CHD1: variants seen among roughly 807,000 people sequenced by gnomAD.
The protein encoded by CHD1 is ATP-dependent chromatin remodeler CHD1.
Under a neutral mutation model 224.2 loss-of-function variants are expected in CHD1, and 36 were observed. That is an observed-to-expected ratio of 0.16 (90% CI 0.12 to 0.21). CHD1 has a LOEUF of 0.21. Ranked by LOEUF, CHD1 falls within the 10% of genes least tolerant of loss-of-function variation. The probability of loss-of-function intolerance (pLI) is 1.00; values close to 1 mark genes in which losing one functional copy is unlikely to be tolerated. For synonymous variants in CHD1, 668 were observed against 658.3 expected (o/e 1.01, Z -0.23); for missense variants, 1,378 against 1,994.8 (o/e 0.69, Z 5.89).
chr5:98,912,377 G>A (rs1752479858), intron 2 of CHD1, among the ~76,000 whole-genome samples: 1 of 152,050 alleles, frequency 6.6e-6, no homozygotes, highest in African/African-American at 2.4e-5. Context: ...CATTAAAGAA[G>A]GCAAATGTCA....
intron 5 of CHD1, among the ~76,000 whole-genome samples, chr5:98,901,623 C>T (rs1166403788): frequency 6.6e-6 from 1 of 151,890 alleles, no homozygotes; most frequent in African/African-American, 2.4e-5. Context: ...AATTATTCTA[C>T]TTGCCCTCTC....
chr5:98,872,312 C>CA, intron 27 of CHD1, 105 bp downstream of exon 27: 1 of 1,292,626 alleles, frequency 7.7e-7, no homozygotes, highest in Non-Finnish European at 1.1e-6. Flanking sequence ...TTATTTCTTC[C>CA]TTTTTTTTTT....
chr5:98,916,531 G>A (rs1752745109), intron 2 of CHD1, among the ~76,000 whole-genome samples: 1 of 108,380 alleles, frequency 9.2e-6, no homozygotes, highest in African/African-American at 3.6e-5. Context: ...GGCAACAAGA[G>A]TGAAACTCCG....
intron 28 of CHD1, among the ~76,000 whole-genome samples, chr5:98,871,606 T>C (rs1028981630): frequency 1.3e-5 from 2 of 151,992 alleles, no homozygotes; most frequent in South Asian, 2.1e-4. Flanking sequence ...CAATAATCTA[T>C]ACATTATAAA....
At chr5:98,909,540 T>G (rs926133300) in intron 2 of CHD1, among the ~76,000 whole-genome samples, 1 of 152,170 alleles carries the variant, frequency 6.6e-6, no homozygotes, top group Non-Finnish European at 1.5e-5. Flanking sequence ...GATGATGATA[T>G]GTCTTCCTCC....
Position 98,876,528 on chromosome 5 carries a change from T to C in CHD1, c.3268A>G (p.Ser1090Gly), listed in dbSNP as rs761620763. 6.2e-6 allele frequency: 10 copies of C among 1,613,960 alleles called. No homozygotes were observed. In the South Asian group the frequency reaches 1.1e-4, roughly 18 times the overall value. ...GATCCAGAGTATCTCCTACTTCTAC[T>C]GCGCCTCCCTTCACTTCCATTGAAA... ...ISFNGSEGRR[S>G]RSRRYSGSDS... The change falls in exon 24 of 36, where the codon AGT becomes GGT. Residue 1090 changes from serine (S) to glycine (G), a missense_variant. By Grantham distance (56) the Ser-to-Gly change is moderately conservative. This residue lies in a region of CHD1 where 286 missense variants were observed against 445.1 expected (regional missense o/e 0.64). Transcript: ENST00000614616.
chr5:98,872,562 T>A lies in CHD1; in HGVS notation c.3572-7A>T. The stretch of plus-strand genomic sequence containing the variant: ...ACTTTTCCGAGTCTACCACCTTGAT[T>A]TTTTTTAAAAAAACCAGTATTTTTA... On this transcript the variant is annotated splice_region_variant and splice_polypyrimidine_tract_variant and intron_variant, in intron 26 of 35. Coordinates refer to ENST00000614616, the MANE Select transcript of CHD1 (RefSeq NM_001270.4). The A allele has an allele frequency of 6.2e-7, 1 of 1,611,058 alleles. No individual in the cohort carries two copies. The highest frequency in any genetic ancestry group is 8.5e-7 in the Non-Finnish European group (1 of 1,178,958).
chr5:98,902,318 A>G (rs1175331995), intron 5 of CHD1, among the ~76,000 whole-genome samples: 1 of 152,106 alleles, frequency 6.6e-6, no homozygotes, highest in Non-Finnish European at 1.5e-5. Flanking sequence ...TTTTTTGGGA[A>G]AAATAAGTAA....
intron 3 of CHD1, 130 bp downstream of exon 3, chr5:98,904,767 C>A: frequency 1.2e-6 from 1 of 846,014 alleles, no homozygotes; most frequent in South Asian, 1.7e-5. Context: ...GTGAGAATCA[C>A]TAAAAGTAAA....
At chr5:98,906,126 G>T (rs1431672703) in intron 2 of CHD1, among the ~76,000 whole-genome samples, 2 of 152,116 alleles carry the variant, frequency 1.3e-5, no homozygotes, top group Non-Finnish European at 2.9e-5. Context: ...AGTAATTTCT[G>T]CATGAGAACA....
intron 17 of CHD1, chr5:98,885,939 T>A: frequency 3.4e-6 from 1 of 291,862 alleles, no homozygotes; most frequent in Non-Finnish European, 6.3e-6. Flanking sequence ...TGCAAACACC[T>A]GAAACAGTTT....
intron 2 of CHD1, among the ~76,000 whole-genome samples, chr5:98,911,146 A>T (rs429235): frequency 0.069 from 2,663 of 38,500 alleles, 87 homozygotes; most frequent in East Asian, 0.099. Context: ...AAAAAAAAAA[A>T]ATATATATAT....
rs1751663028 is a variant in CHD1, at chr5:98,900,970, G to A, written c.700C>T (p.Arg234Cys). The A allele has an allele frequency of 6.2e-7, 1 of 1,613,778 alleles. No homozygotes were observed. Among genetic ancestry groups the A allele is most frequent in the Non-Finnish European group, 8.5e-7 (1 of 1,179,928 alleles). The stretch of plus-strand genomic sequence containing the variant: ...TAGCTAACATTAACAGTTGCTTGGC[G>A]ACGAGAACTTCTTTTATCATTATCA... Reference protein sequence around the residue: ...DYDNDKRSSRRQATVNVSYKE... With the variant: ...DYDNDKRSSRCQATVNVSYKE... The change falls in exon 7 of 36, where the codon CGC (arginine) becomes TGC (cysteine). Residue 234 changes from arginine to cysteine, a missense_variant. Physicochemically the swap from Arg to Cys is radical, Grantham distance 180 (BLOSUM62 -3). Coordinates refer to ENST00000614616, the MANE Select transcript of CHD1 (RefSeq NM_001270.4).
At chr5:98,899,066 T>C (rs1751523247) in intron 8 of CHD1, among the ~76,000 whole-genome samples, 2 of 152,182 alleles carry the variant, frequency 1.3e-5, no homozygotes, top group Admixed American at 1.3e-4. Context: ...CTGCAGGGGA[T>C]TGGTTGAGGA....
chr5:98,875,169 C>T (rs759533638), intron 24 of CHD1, 56 bp from the exon 25 acceptor site: 87 of 951,626 alleles, frequency 9.1e-5, no homozygotes, highest in Non-Finnish European at 1.2e-4. Flanking sequence ...TAAAATTATA[C>T]GTATTTCTGA....
At chr5:98,861,493 T>C (rs1230319023) in intron 32 of CHD1, among the ~76,000 whole-genome samples, 1 of 152,180 alleles carries the variant, frequency 6.6e-6, no homozygotes, top group Admixed American at 6.5e-5. Context: ...ACTTGCTTAA[T>C]GCCAACTGTT....
At chr5:98,874,083 A>G (rs1358176425) in intron 25 of CHD1, among the ~76,000 whole-genome samples, 1 of 83,878 alleles carries the variant, frequency 1.2e-5, no homozygotes, top group Non-Finnish European at 2.2e-5. Flanking sequence ...ATTACTGTGC[A>G]CCAAATAGAT....
At chr5:98,888,303 A>G in intron 16 of CHD1, 63 bp from the exon 17 acceptor site, 3 of 1,104,874 alleles carry the variant, frequency 2.7e-6, no homozygotes, top group Non-Finnish European at 3.8e-6. Context: ...TCCACGTAAC[A>G]CTTTAGTTGC....
intron 32 of CHD1, 119 bp downstream of exon 32, chr5:98,863,289 G>T: frequency 3.6e-6 from 2 of 556,906 alleles, no homozygotes; most frequent in Non-Finnish European, 5.8e-6. Context: ...ATCATCTGTA[G>T]GTTACCTCTT....
Sources: gnomAD v4.1 joint callset for allele counts (sites outside exome capture counted in the v4.1 genomes callset) on GRCh38, gnomAD v4.1.1 for gene constraint, gnomAD v4.1.1 regional missense constraint, MANE v1.5 for transcripts, NCBI Gene and HGNC (gene_info 2026-07-23, HGNC 2026-07-21) for gene names.